MAP1LC3A: variants seen among roughly 807,000 people sequenced by gnomAD.
MAP1LC3A encodes the protein microtubule associated protein 1 light chain 3 alpha, also known as microtubule-associated protein 1 light chain 3 alpha.
MAP1LC3A carries 10 observed loss-of-function variants against 15.2 expected under a neutral mutation model. The ratio of observed to expected loss-of-function variants is 0.66; its 90% confidence interval spans 0.41 to 1.12. The LOEUF (loss-of-function observed/expected upper bound fraction) is 1.12, where lower values mean the gene tolerates loss of function less well. Among genes scored for constraint, MAP1LC3A ranks in the 50% most tolerant of loss-of-function variants. The pLI is 0.00. For missense variants in MAP1LC3A, 138 were observed against 167.3 expected, an observed-to-expected ratio of 0.82 and a Z score of 0.97; for synonymous variants, 63 against 64.3, an observed-to-expected ratio of 0.98 and a Z score of 0.10.
At chr20:34,548,672 C>G (rs1215140816) in intron 1 of MAP1LC3A, among the ~76,000 whole-genome samples, 1 of 150,942 alleles carries the variant, frequency 6.6e-6, no homozygotes, top group Non-Finnish European at 1.5e-5. Flanking sequence ...GGGTCTCAGT[C>G]CCTACAATCT....
rs972201493 is a variant in MAP1LC3A at position 34,558,830 on chromosome 20, C to T, written c.-39C>T. 9 of 1,427,630 alleles carry T rather than the reference C, an allele frequency of 6.3e-6. No homozygotes were observed. In the Admixed American group the frequency reaches 2.1e-4, roughly 33 times the overall value. The allele number at this position is 1,427,630 out of a possible 1,614,324, so 88.4% of individuals were successfully genotyped here. ...CCAAACCGCAGACACATCCCCGCGC[C>T]CCAGAGCCCCGGCCTGCGCGCCCAG... On this transcript the variant is annotated 5_prime_UTR_variant, in exon 1 of 4. Transcript: ENST00000360668. This position sits in a 1 kb window ranked among gnomAD's most constrained non-coding sequence, Gnocchi z 4.3.
chr20:34,558,845 TGCGCGCCCAGCCGGGCCC>T lies in MAP1LC3A; in HGVS notation c.-18_-1del. On this transcript the variant is annotated 5_prime_UTR_variant, in exon 1 of 4. Coordinates refer to ENST00000360668, the MANE Select transcript of MAP1LC3A (RefSeq NM_032514.4). The surrounding 1 kb of genome is among the most constrained non-coding windows in gnomAD (Gnocchi z 4.3). ...ATCCCCGCGCCCCAGAGCCCCGGCC[TGCGCGCCCAGCCGGGCCC>T]GCGCGATGCCCTCAGACCGGCCTTT... 1.4e-6 allele frequency: 2 copies of T among 1,433,476 alleles called. No individual in the cohort carries two copies. The highest frequency in any genetic ancestry group is 1.8e-6 in the Non-Finnish European group (2 of 1,100,132). The allele number at this position is 1,433,476 out of a possible 1,614,324, so 88.8% of individuals were successfully genotyped here.
intron 3 of MAP1LC3A, 108 bp downstream of exon 3, chr20:34,559,561 C>A: frequency 1.6e-6 from 2 of 1,266,898 alleles, no homozygotes; most frequent in South Asian, 2.6e-5. Context: ...GGGCGGTGGG[C>A]CCCTGTTCTG....
chr20:34,558,840 CG>C lies in MAP1LC3A; in HGVS notation c.-27del. On this transcript the variant is annotated 5_prime_UTR_variant, in exon 1 of 4. Transcript: ENST00000360668. This position sits in a 1 kb window ranked among gnomAD's most constrained non-coding sequence, Gnocchi z 4.3. ...GACACATCCCCGCGCCCCAGAGCCC[CG>C]GCCTGCGCGCCCAGCCGGGCCCGCG... 1 of 1,432,426 alleles carries C rather than the reference CG, an allele frequency of 7.0e-7. No individual in the cohort carries two copies. The highest frequency in any genetic ancestry group is 3.0e-5 in the Admixed American group (1 of 33,696). The allele number at this position is 1,432,426 out of a possible 1,614,324, so 88.7% of individuals were successfully genotyped here.
chr20:34,558,921 A>G lies in MAP1LC3A; in HGVS notation c.40+13A>G. 9.4e-6 allele frequency: 13 copies of G among 1,389,380 alleles called. No homozygotes were observed. Among genetic ancestry groups the G allele is most frequent in the Non-Finnish European group, 1.2e-5 (13 of 1,075,510 alleles). The allele number at this position is 1,389,380 out of a possible 1,614,324, so 86.1% of individuals were successfully genotyped here. On this transcript the variant is annotated intron_variant, in intron 1 of 3. Transcript: ENST00000360668. This position sits in a 1 kb window ranked among gnomAD's most constrained non-coding sequence, Gnocchi z 4.3. The stretch of plus-strand genomic sequence containing the variant: ...CGGCGGAGCTTCGGTGAGGCCCGGC[A>G]GGCGAGCTGCGAGCTCTGGGGCAGG...
In MAP1LC3A at chr20:34,549,226, G is replaced by A. The variant is rs149878682; in HGVS notation, c.-73-679G>A. On this transcript the variant is annotated intron_variant, in intron 1 of 4. Coordinates refer to the MAP1LC3A transcript ENST00000374837. ...TTTTTAGTAGAGAAGGGGTTTCGCC[G>A]TGTTGGCCAGGCTGGTCTAGAACTC... Among the ~76,000 whole-genome samples, 643 of 148,676 alleles carry A rather than the reference G, an allele frequency of 4.3e-3. 14 individuals carry two copies. Among genetic ancestry groups the A allele is most frequent in the African/African-American group, 0.014 (579 of 40,192 alleles).
intron 1 of MAP1LC3A, among the ~76,000 whole-genome samples, chr20:34,549,621 G>C (rs1981871065): frequency 6.6e-6 from 1 of 152,244 alleles, no homozygotes; most frequent in Non-Finnish European, 1.5e-5. Context: ...CCCAGGGACA[G>C]ATCTGAATCC....
At position 34,559,995 on chromosome 20, in the gene MAP1LC3A, G is replaced by T. The variant is rs918484282; in HGVS notation, c.*97G>T. 1.6e-4 allele frequency: 213 copies of T among 1,366,832 alleles called. 1 individual carries two copies. The highest frequency in any genetic ancestry group is 2.0e-4 in the Non-Finnish European group (200 of 1,010,322). 84.7% of individuals were successfully genotyped at this position (1,366,832 alleles called of 1,614,324 possible). A position where few individuals can be genotyped will look rare whatever the true frequency, so the allele number is the denominator to read the frequency against. Reference sequence around the variant, plus strand: ...CCTGAACTGAGCTGCCTCTACCGTGGTGGGCTGGGCAGGCATGTGCCCCCC... The same window carrying T: ...CCTGAACTGAGCTGCCTCTACCGTGTTGGGCTGGGCAGGCATGTGCCCCCC... On this transcript the variant is annotated 3_prime_UTR_variant, in exon 4 of 4. Coordinates refer to ENST00000360668, the MANE Select transcript of MAP1LC3A (RefSeq NM_032514.4).
intron 2 of MAP1LC3A, among the ~76,000 whole-genome samples, chr20:34,553,058 G>A (rs1432213100): frequency 6.6e-6 from 1 of 152,098 alleles, no homozygotes; most frequent in African/African-American, 2.4e-5. Context: ...GCATGGTGAC[G>A]GGTGCCTGTA....
intron 1 of MAP1LC3A, chr20:34,549,777 G>C: frequency 1.9e-6 from 1 of 537,236 alleles, no homozygotes; most frequent in South Asian, 2.5e-5. Flanking sequence ...AACTGCCATG[G>C]CACTGGTGGG....
Position 34,559,958 on chromosome 20 carries a change from G to A in MAP1LC3A, c.*60G>A. 1 of 1,544,090 alleles carries A rather than the reference G, an allele frequency of 6.5e-7. No homozygotes were observed. The stretch of plus-strand genomic sequence containing the variant: ...CGGCCCCGGTCAGGCCCTGCCCAGA[G>A]AGCTCCTGGTTCCTGAACTGAGCTG... On this transcript the variant is annotated 3_prime_UTR_variant, in exon 4 of 4. Coordinates refer to ENST00000360668, the MANE Select transcript of MAP1LC3A (RefSeq NM_032514.4).
chr20:34,548,262 T>G (rs1981813444), intron 1 of MAP1LC3A, among the ~76,000 whole-genome samples: 1 of 152,098 alleles, frequency 6.6e-6, no homozygotes, highest in Non-Finnish European at 1.5e-5. Context: ...GAAGCCAAAC[T>G]GGAGGTGGGG....
intron 1 of MAP1LC3A, among the ~76,000 whole-genome samples, chr20:34,548,972 C>CT: frequency 6.6e-6 from 1 of 152,266 alleles, no homozygotes; most frequent in East Asian, 1.9e-4. Flanking sequence ...TCCCGAAGTG[C>CT]TGGGATTACA....
chr20:34,549,926 C>A, exon 2 of MAP1LC3A: 2 of 1,560,646 alleles, frequency 1.3e-6, no homozygotes, highest in Non-Finnish European at 1.8e-6. Flanking sequence ...TTCCGAGTTG[C>A]TGACTGACCC....
At chr20:34,547,120 G>A (rs748233383) in intron 1 of MAP1LC3A, among the ~76,000 whole-genome samples, 1 of 152,208 alleles carries the variant, frequency 6.6e-6, no homozygotes, top group African/African-American at 2.4e-5. Context: ...AGCAGGGAAG[G>A]TGCCTCGCAG....
rs1982333876 is a variant in MAP1LC3A, at chr20:34,559,422, G to A, written c.172G>A (p.Val58Ile). 3 of 1,613,214 alleles carry A rather than the reference G, an allele frequency of 1.9e-6. No homozygotes were observed. The highest frequency in any genetic ancestry group is 2.7e-5 in the African/African-American group (2 of 74,866). The change falls in exon 3 of 4, where the codon GTC (valine) becomes ATC (isoleucine). Residue 58 changes from valine to isoleucine, a missense_variant. Val to Ile is a conservative substitution (Grantham distance 29). Transcript: ENST00000360668. ...DKTKFLVPDHVNMSELVKIIR... is the reference protein window; with the variant it reads ...DKTKFLVPDHINMSELVKIIR... ...GACCAAGTTTTTGGTCCCGGACCAT[G>A]TCAACATGAGCGAGTTGGTCAAGAT...
intron 1 of MAP1LC3A, among the ~76,000 whole-genome samples, chr20:34,548,593 A>G (rs1412731824): frequency 6.6e-6 from 1 of 152,032 alleles, no homozygotes; most frequent in Non-Finnish European, 1.5e-5. Flanking sequence ...CCACTTTTCC[A>G]GTGAAAGCAG....
intron 2 of MAP1LC3A, among the ~76,000 whole-genome samples, chr20:34,552,018 G>A (rs1249621981): frequency 6.6e-6 from 1 of 152,150 alleles, no homozygotes; most frequent in African/African-American, 2.4e-5. Context: ...CTTTTGAGAT[G>A]GAATCTCAAA....
rs201534373 is a variant in MAP1LC3A, at chr20:34,549,948, G to C, written c.-30G>C. On this transcript the variant is annotated 5_prime_UTR_variant, in exon 2 of 5. Transcript: ENST00000374837. ...TTGCTGACTGACCCTCCACCTCAGA[G>C]GTAGTTCTGACACTGTCTCAGTTTT... The C allele has an allele frequency of 1.2e-4, 197 of 1,611,122 alleles. No individual in the cohort carries two copies. The East Asian group carries it at 2.5e-3, about 20-fold the overall frequency.
Sources: gnomAD v4.1 joint callset for allele counts (sites outside exome capture counted in the v4.1 genomes callset) on GRCh38, gnomAD v4.1.1 for gene constraint, Gnocchi (gnomAD v3.1) non-coding constraint, MANE v1.5 for transcripts, NCBI Gene and HGNC (gene_info 2026-07-23, HGNC 2026-07-21) for gene names.